Variants in NOP56 observed in about 807,000 individuals in gnomAD.
NOP56 encodes nucleolar protein 56.
A neutral mutation model predicts 58.3 loss-of-function variants in NOP56; 31 were observed. The ratio of observed to expected loss-of-function variants is 0.53; its 90% CI spans 0.40 to 0.72. The LOEUF (loss-of-function observed/expected upper bound fraction) is 0.72, where lower values mean the gene tolerates loss of function less well. Among genes scored for constraint, NOP56 ranks in the 30% least tolerant of loss-of-function variants. The probability of loss-of-function intolerance (pLI) is 0.00; values close to 1 mark genes in which losing one functional copy is unlikely to be tolerated. For missense variants in NOP56, 669 were observed against 739.9 expected, an observed-to-expected ratio of 0.90 and a Z score of 1.11; for synonymous variants, 313 against 282.8, an observed-to-expected ratio of 1.11 and a Z score of -1.07.
chr20:2,657,846 G>T (rs11699380), intron 11 of NOP56, 83 bp from the exon 12 acceptor site: 183 of 1,435,184 alleles, frequency 1.3e-4, no homozygotes, highest in Middle Eastern at 1.8e-4. Flanking sequence ...TTAACGACAC[G>T]CGTTCCCCTG....
Position 2,656,668 on chromosome 20 carries a change from G to A in NOP56, c.1160-106G>A, listed in dbSNP as rs1283754808. 4.4e-6 allele frequency: 7 copies of A among 1,607,250 alleles called. No homozygotes were observed. The East Asian group carries it at 6.7e-5, about 15-fold the overall frequency. ...TTTCGTCAACAGCAGTTCACCTAGT[G>A]AGTGTTGAGACTCTGGGTCTGAGTG... On this transcript the variant is annotated intron_variant, in intron 9 of 11. Coordinates refer to ENST00000329276, the MANE Select transcript of NOP56 (RefSeq NM_006392.4).
intron 11 of NOP56, chr20:2,657,443 ATG>A: frequency 1.4e-6 from 1 of 735,090 alleles, no homozygotes; most frequent in Non-Finnish European, 2.5e-6. Flanking sequence ...TTCCCTGGGC[ATG>A]TGTGTTCTGT....
At chr20:2,654,338 CAGGG>C in intron 3 of NOP56, 72 bp from the exon 4 acceptor site, 2 of 1,535,884 alleles carry the variant, frequency 1.3e-6, no homozygotes, top group South Asian at 2.2e-5. Context: ...TCGGTGGGAC[CAGGG>C]TAGTCAGCTG....
chr20:2,657,748 G>T, intron 11 of NOP56, 181 bp from the exon 12 acceptor site: 1 of 664,216 alleles, frequency 1.5e-6, no homozygotes, highest in Non-Finnish European at 2.5e-6. Flanking sequence ...CTCATGACAT[G>T]TTTTCCTTCT....
In NOP56 at chr20:2,657,167, A is replaced by G. The variant is rs758052708; in HGVS notation, c.1368A>G (p.Ala456=). The change falls in exon 11 of 12, where the codon GCA becomes GCG. Residue 456 remains alanine (A), a synonymous_variant. Coordinates refer to ENST00000329276, the MANE Select transcript of NOP56 (RefSeq NM_006392.4). ...AGAAGGAAAAGAAACGGCTGGCTGCACTTGCCCTCGCGTCTTCAGAAAACA... is the reference window on the plus strand; with the variant it reads ...AGAAGGAAAAGAAACGGCTGGCTGCGCTTGCCCTCGCGTCTTCAGAAAACA... ...RLKKEKKRLA[A]LALASSENSS... 2.0e-5 allele frequency: 33 copies of G among 1,614,072 alleles called. No individual in the cohort carries two copies. Among genetic ancestry groups the G allele is most frequent in the Admixed American group, 5.0e-5 (3 of 60,000 alleles).
In NOP56 at chr20:2,653,279, G is replaced by C. The variant is rs1399198171; in HGVS notation, c.94G>C (p.Val32Leu). ...CCACTTAGCCTCTTTCTCCCCCCAG[G>C]TGGAGGAGTCTGTGCTCAACCTGGG... is the stretch of plus-strand genomic sequence containing the variant. The part of the protein sequence containing the change: ...VEEISLLQPQ[V>L]EESVLNLGKF... Residue 32 changes from valine (V) to leucine (L), a missense_variant and splice_region_variant, in exon 3 of 12, where the codon GTG becomes CTG. Val to Leu is a conservative substitution (Grantham distance 32, BLOSUM62 1). Coordinates refer to ENST00000329276, the MANE Select transcript of NOP56 (RefSeq NM_006392.4). The C allele has an allele frequency of 6.2e-7, 1 of 1,612,622 alleles. No homozygotes were observed. Among genetic ancestry groups the C allele is most frequent in the Non-Finnish European group, 8.5e-7 (1 of 1,178,728 alleles).
Position 2,657,086 on chromosome 20 carries a change from G to A in NOP56, c.1287G>A (p.Glu429=), listed in dbSNP as rs1209549365. ...DVMKEAMVQA[E]EAAAEITRKL... is the part of the protein sequence containing the mutation. ...TAGCACTTTTCTTTGACCAGGCAGA[G>A]GAAGCGGCTGCTGAGATTACTAGGA... The change falls in exon 11 of 12, where the codon GAG becomes GAA. Residue 429 remains glutamate (E), a synonymous_variant. Coordinates refer to ENST00000329276, the MANE Select transcript of NOP56 (RefSeq NM_006392.4). The A allele has an allele frequency of 6.2e-7, 1 of 1,614,116 alleles. No homozygotes were observed. Among genetic ancestry groups the A allele is most frequent in the Admixed American group, 1.7e-5 (1 of 60,006 alleles).
At chr20:2,653,477 C>T (rs1600155284) in intron 3 of NOP56, 84 bp downstream of exon 3, 2 of 1,104,036 alleles carry the variant, frequency 1.8e-6, no homozygotes, top group Admixed American at 1.7e-5. Flanking sequence ...TATTTGCCGT[C>T]CTTGGCTGGC....
In NOP56 at chr20:2,653,018, G is replaced by T. The variant is rs1214699577; in HGVS notation, c.93+87G>T. ...ATGCACAGCGCGCTCCCACGTGGCCGGCCGAGCGGTTCGGGGCGGGGGGAC... is the reference window on the plus strand; with the variant it reads ...ATGCACAGCGCGCTCCCACGTGGCCTGCCGAGCGGTTCGGGGCGGGGGGAC... On this transcript the variant is annotated intron_variant, in intron 2 of 11. Coordinates refer to ENST00000329276, the MANE Select transcript of NOP56 (RefSeq NM_006392.4). 4 of 1,267,440 alleles carry T rather than the reference G, an allele frequency of 3.2e-6. No individual in the cohort carries two copies. In the Admixed American group the frequency reaches 7.3e-5, roughly 23 times the overall value. The allele number at this position is 1,267,440 out of a possible 1,614,324, so 78.5% of individuals were successfully genotyped here.
At position 2,656,002 on chromosome 20, in the gene NOP56, G is replaced by A. The variant is rs769632757; in HGVS notation, c.978G>A (p.Val326=). 14 of 1,614,072 alleles carry A rather than the reference G, an allele frequency of 8.7e-6. No individual in the cohort carries two copies. The highest frequency in any genetic ancestry group is 3.3e-5 in the Admixed American group (2 of 60,006). ...TGGCCAAGTATCCAGCATCCACAGT[G>A]CAGATCCTTGGGGCTGAAAAGGCCC... ...TNLAKYPAST[V]QILGAEKALF... is the part of the protein sequence containing the mutation. Residue 326 remains valine (V), a synonymous_variant, in exon 8 of 12, where the codon GTG becomes GTA. Coordinates refer to ENST00000329276, the MANE Select transcript of NOP56 (RefSeq NM_006392.4).
chr20:2,653,811 A>G (rs1317902071), intron 3 of NOP56: 1 of 260,848 alleles, frequency 3.8e-6, no homozygotes, highest in East Asian at 9.3e-5. Context: ...GCCAGCCACC[A>G]CACCCGGCTA....
At chr20:2,654,275 G>T (rs745867404) in intron 3 of NOP56, 139 bp from the exon 4 acceptor site, 1 of 882,138 alleles carries the variant, frequency 1.1e-6, no homozygotes, top group Non-Finnish European at 1.9e-6. Flanking sequence ...ATGTCTCCAT[G>T]TCTCTGAGCA....
At chr20:2,657,522 C>T (rs563695919) in intron 11 of NOP56, 6 of 594,238 alleles carry the variant, frequency 1.0e-5, no homozygotes, top group African/African-American at 3.7e-5. Context: ...TATTATCAGA[C>T]GTGTGTCCGG....
intron 11 of NOP56, chr20:2,657,550 A>G (rs2086842367): frequency 3.7e-6 from 2 of 542,232 alleles, no homozygotes. Context: ...CGTGTTTCAC[A>G]GTGGGGATGG....
Position 2,654,907 on chromosome 20 carries a change from C to T in NOP56, c.529C>T (p.Gln177Ter), listed in dbSNP as rs1394527728. 1.2e-6 allele frequency: 2 copies of T among 1,614,058 alleles called. No homozygotes were observed. The highest frequency in any genetic ancestry group is 1.1e-5 in the South Asian group (1 of 91,090). The change falls in exon 5 of 12, where the codon CAG (glutamine) becomes TAG (stop). Residue 177 changes from glutamine to a stop codon, truncating the protein, a stop_gained. Transcript: ENST00000329276. LOFTEE classifies it high-confidence loss of function. ...MIIQSISLLDQLDKDINTFSM... is the reference protein window; with the variant it reads ...MIIQSISLLD ...CATCCAGTCCATTAGCCTCCTGGAC[C>T]AGCTGGATAAGGACATCAATACCTT...
chr20:2,654,957 AG>A lies in NOP56; in HGVS notation c.569+14del, dbSNP rs1211797074. 1.9e-6 allele frequency: 3 copies of A among 1,613,758 alleles called. No individual in the cohort carries two copies. In the Admixed American group the frequency reaches 5.0e-5, roughly 27 times the overall value. Reference sequence around the variant, plus strand: ...TCTCTATGCGTGTCAGGTAAAGTGCAGGGGCCACCCATAATACTGGAGCCTT... The same window carrying A: ...TCTCTATGCGTGTCAGGTAAAGTGCAGGGCCACCCATAATACTGGAGCCTT... On this transcript the variant is annotated intron_variant, in intron 5 of 11. Transcript: ENST00000329276.
At chr20:2,653,445 C>G in intron 3 of NOP56, 52 bp downstream of exon 3, 1 of 1,465,410 alleles carries the variant, frequency 6.8e-7, no homozygotes, top group African/African-American at 1.4e-5. Context: ...CTTTCGGTAT[C>G]CTCTCGGGCA....
intron 7 of NOP56, 92 bp from the exon 8 acceptor site, chr20:2,655,842 G>A: frequency 6.2e-7 from 1 of 1,609,678 alleles, no homozygotes; most frequent in Non-Finnish European, 8.5e-7. Context: ...TTCCCTAGTT[G>A]TGCTTGATGG....
chr20:2,652,689 C>A, intron 1 of NOP56, 26 bp downstream of exon 1: 1 of 1,464,454 alleles, frequency 6.8e-7, no homozygotes, highest in South Asian at 1.4e-5. Context: ...GGGGCGCGGG[C>A]GACGCGACGG....
Sources: gnomAD v4.1 joint callset for allele counts on GRCh38, gnomAD v4.1.1 for gene constraint, MANE v1.5 for transcripts, NCBI Gene and HGNC (gene_info 2026-07-23, HGNC 2026-07-21) for gene names.